The following PCNX1 variants were observed in gnomAD, a reference collection of about 807,000 sequenced individuals.
PCNX1 encodes the protein pecanex-like protein 1.
PCNX1 carries 78 observed loss-of-function variants against 242.2 expected under a neutral mutation model. That is an observed-to-expected ratio of 0.32 (90% CI 0.27 to 0.39). PCNX1 has a LOEUF of 0.39. PCNX1 is among the 10% of genes least tolerant of loss of function. The probability of loss-of-function intolerance (pLI) is 1.00; values close to 1 mark genes in which losing one functional copy is unlikely to be tolerated. For synonymous variants in PCNX1, 1,024 were observed against 1,032.9 expected (o/e 0.99, Z 0.17); for missense variants, 2,581 against 2,856.5 (o/e 0.90, Z 2.20).
At chr14:71,004,356 G>T (rs1157400690) in intron 8 of PCNX1, among the ~76,000 whole-genome samples, 4 of 152,272 alleles carry the variant, frequency 2.6e-5, no homozygotes, top group Non-Finnish European at 5.9e-5. Flanking sequence ...GGGCTGCACA[G>T]CAGGAGGTGA....
intron 2 of PCNX1, among the ~76,000 whole-genome samples, chr14:70,961,813 G>A (rs1318549478): frequency 6.6e-6 from 1 of 152,092 alleles, no homozygotes; most frequent in African/African-American, 2.4e-5. Flanking sequence ...GAGGGGATTC[G>A]TTAATGTAAT....
chr14:70,918,678 C>A (rs1017574958), intron 1 of PCNX1, among the ~76,000 whole-genome samples: 4 of 152,130 alleles, frequency 2.6e-5, no homozygotes, highest in African/African-American at 9.7e-5. Context: ...AAGCTAAGCA[C>A]AACATAAGAT....
chr14:70,995,769 T>C lies in PCNX1; in HGVS notation c.2473T>C (p.Ser825Pro). The C allele has an allele frequency of 6.2e-7, 1 of 1,614,110 alleles. No homozygotes were observed. The highest frequency in any genetic ancestry group is 8.5e-7 in the Non-Finnish European group (1 of 1,179,998). ...SLQDGQQGQQ[S>P]TAQVKVQSRP... The stretch of plus-strand genomic sequence containing the variant: ...TCAAGATGGTCAGCAAGGCCAGCAG[T>C]CCACAGCCCAGGTCAAAGTCCAGTC... Residue 825 changes from serine to proline, a missense_variant, in exon 8 of 36, where the codon TCC (serine) becomes CCC (proline). By Grantham distance (74) the Ser-to-Pro change is moderately conservative. Coordinates refer to ENST00000304743, the MANE Select transcript of PCNX1 (RefSeq NM_014982.3).
intron 11 of PCNX1, among the ~76,000 whole-genome samples, chr14:71,014,433 G>A (rs1451631355): frequency 1.3e-5 from 2 of 152,166 alleles, no homozygotes; most frequent in African/African-American, 2.4e-5. Context: ...AGACCAAACT[G>A]TAGCTTAAAT....
chr14:71,089,093 A>G, intron 29 of PCNX1, 99 bp from the exon 30 acceptor site: 1 of 900,938 alleles, frequency 1.1e-6, no homozygotes. Context: ...GTATTTTCAA[A>G]ACACTCCCAG....
chr14:71,001,365 C>G (rs2059501996), intron 8 of PCNX1, among the ~76,000 whole-genome samples: 1 of 152,120 alleles, frequency 6.6e-6, no homozygotes, highest in Non-Finnish European at 1.5e-5. Context: ...ATGGAAAGCT[C>G]TAGTTTATAC....
At chr14:71,088,475 G>C in intron 29 of PCNX1, 45 bp downstream of exon 29, 1 of 1,110,516 alleles carries the variant, frequency 9.0e-7, no homozygotes, top group Non-Finnish European at 1.4e-6. Flanking sequence ...ATGGGAAGCT[G>C]TATAGCCTAA....
rs868694463 is a variant in PCNX1, at chr14:70,976,377, T to C, written c.605-565T>C. ...TGCTCTTTCTTTCTTTCTTTCTTTTTTTTTTTTTTTTTTGAGACAGAGTCC... is the reference window on the plus strand; with the variant it reads ...TGCTCTTTCTTTCTTTCTTTCTTTTCTTTTTTTTTTTTTGAGACAGAGTCC... On this transcript the variant is annotated intron_variant, in intron 5 of 35. Transcript: ENST00000304743. Among the ~76,000 whole-genome samples the C allele has an allele frequency of 1.2e-3, 180 of 149,434 alleles. 2 individuals carry two copies. Among genetic ancestry groups the C allele is most frequent in the African/African-American group, 4.2e-3 (170 of 40,700 alleles).
rs1056674444 is a variant in PCNX1, at chr14:71,112,757, A to C, written c.*2822A>C. 1.3e-5 allele frequency: 2 copies of C among 152,152 alleles called. No homozygotes were observed. Among genetic ancestry groups the C allele is most frequent in the Non-Finnish European group, 2.9e-5 (2 of 67,986 alleles). The allele number at this position is 152,152 out of a possible 1,614,324, so 9.4% of individuals were successfully genotyped here. A position where few individuals can be genotyped will look rare whatever the true frequency, so the allele number is the denominator to read the frequency against. ...CCAATGCTTTAATTTCCATAATTTG[A>C]AAGTTAAAAGATGTAACTAAAATAC... is the stretch of plus-strand genomic sequence containing the variant. On this transcript the variant is annotated 3_prime_UTR_variant, in exon 36 of 36. Coordinates refer to ENST00000304743, the MANE Select transcript of PCNX1 (RefSeq NM_014982.3).
Position 70,977,060 on chromosome 14 carries a change from C to A in PCNX1, c.723C>A (p.Asn241Lys), listed in dbSNP as rs147666310. 7.4e-6 allele frequency: 12 copies of A among 1,614,066 alleles called. No individual in the cohort carries two copies. The East Asian group carries it at 2.7e-4, about 36-fold the overall frequency. ...CAAGGGACTTCAGTGACAAAGTGAA[C>A]CTGCCAAGTCATAACCACCACCACC... ...DLPRDFSDKV[N>K]LPSHNHHHHV... Residue 241 changes from asparagine to lysine, a missense_variant, in exon 6 of 36, where the codon AAC becomes AAA. Physicochemically the swap from Asn to Lys is moderately conservative, Grantham distance 94. Coordinates refer to ENST00000304743, the MANE Select transcript of PCNX1 (RefSeq NM_014982.3).
intron 24 of PCNX1, among the ~76,000 whole-genome samples, chr14:71,055,274 TA>T (rs938943580): frequency 3.3e-5 from 5 of 150,466 alleles, no homozygotes; most frequent in Admixed American, 6.6e-5. Flanking sequence ...CACTGTACAA[TA>T]AAAAAAAAAC....
At chr14:70,983,446 A>G (rs898663610) in intron 6 of PCNX1, among the ~76,000 whole-genome samples, 3 of 152,118 alleles carry the variant, frequency 2.0e-5, no homozygotes, top group Non-Finnish European at 4.4e-5. Flanking sequence ...CTGGGACTGC[A>G]GGTGCCCGCC....
At chr14:70,975,643 T>G (rs2058668523) in intron 5 of PCNX1, among the ~76,000 whole-genome samples, 1 of 152,178 alleles carries the variant, frequency 6.6e-6, no homozygotes, top group African/African-American at 2.4e-5. Context: ...CAATAATTTT[T>G]CTTTTTATTG....
At chr14:71,101,683 A>G (rs2062464948) in intron 30 of PCNX1, among the ~76,000 whole-genome samples, 2 of 152,216 alleles carry the variant, frequency 1.3e-5, no homozygotes, top group African/African-American at 4.8e-5. Flanking sequence ...AAAAAAAAAC[A>G]TGAATAAAGA....
chr14:70,941,736 C>G (rs1458580122), intron 1 of PCNX1, among the ~76,000 whole-genome samples: 1 of 152,202 alleles, frequency 6.6e-6, no homozygotes, highest in African/African-American at 2.4e-5. Context: ...GAGGTGGATT[C>G]TACAGAGGCA....
chr14:71,019,165 A>T lies in PCNX1; in HGVS notation c.3150+3A>T. 1 of 1,597,050 alleles carries T rather than the reference A, an allele frequency of 6.3e-7. No homozygotes were observed. Among genetic ancestry groups the T allele is most frequent in the Non-Finnish European group, 8.5e-7 (1 of 1,173,226 alleles). ...GCTGTCAATACTCACTGCTTAAGGT[A>T]CCAGCATCTCTTCTTTTCATGCTAC... On this transcript the variant is annotated splice_donor_region_variant and intron_variant, in intron 12 of 35. Coordinates refer to ENST00000304743, the MANE Select transcript of PCNX1 (RefSeq NM_014982.3).
chr14:71,004,838 A>G (rs1301590954), intron 8 of PCNX1, among the ~76,000 whole-genome samples: 2 of 152,230 alleles, frequency 1.3e-5, no homozygotes, highest in African/African-American at 2.4e-5. Context: ...TATTTCTTGA[A>G]TAACATTTCT....
rs1353022831 is a variant in PCNX1, at chr14:71,110,938, A to ATGAG, written c.*1005_*1008dup. On this transcript the variant is annotated 3_prime_UTR_variant, in exon 36 of 36. Coordinates refer to ENST00000304743, the MANE Select transcript of PCNX1 (RefSeq NM_014982.3). ...AGAAAGGATCGATTGCCTTTTATTTATGAGTTTCTAGCTCTTGAAGTTATT... is the reference window on the plus strand; with the variant it reads ...AGAAAGGATCGATTGCCTTTTATTTATGAGTGAGTTTCTAGCTCTTGAAGTTATT... 2 of 152,678 alleles carry ATGAG rather than the reference A, an allele frequency of 1.3e-5. No homozygotes were observed. Among genetic ancestry groups the ATGAG allele is most frequent in the Non-Finnish European group, 2.9e-5 (2 of 68,042 alleles). 9.5% of individuals were successfully genotyped at this position (152,678 alleles called of 1,614,324 possible).
chr14:71,080,540 T>C (rs1217674657), intron 28 of PCNX1, among the ~76,000 whole-genome samples: 1 of 152,232 alleles, frequency 6.6e-6, no homozygotes, highest in Non-Finnish European at 1.5e-5. Flanking sequence ...GTGTCCTCTC[T>C]TATTTCCTTG....
Sources: gnomAD v4.1 joint callset for allele counts (sites outside exome capture counted in the v4.1 genomes callset) on GRCh38, gnomAD v4.1.1 for gene constraint, MANE v1.5 for transcripts, NCBI Gene and HGNC (gene_info 2026-07-23, HGNC 2026-07-21) for gene names.